NTNG1: variants seen among roughly 807,000 people sequenced by gnomAD.
NTNG1 encodes the protein netrin-G1.
NTNG1 carries 16 observed loss-of-function variants against 54.0 expected under a neutral mutation model. That is an observed-to-expected ratio of 0.30 (90% confidence interval 0.20 to 0.45). The LOEUF (loss-of-function observed/expected upper bound fraction) is 0.45. NTNG1 is among the 20% of genes least tolerant of loss of function. The pLI is 1.00. For missense variants in NTNG1, 530 were observed against 678.7 expected (o/e 0.78, Z 2.43); for synonymous variants, 255 against 263.1 (o/e 0.97, Z 0.30).
chr1:107,277,659 A>G (rs528311825), intron 2 of NTNG1, among the ~76,000 whole-genome samples: 17 of 152,316 alleles, frequency 1.1e-4, no homozygotes, highest in African/African-American at 3.1e-4. Flanking sequence ...TAATGAGTAG[A>G]TGTTCTACTA....
chr1:107,454,314 C>G (rs1368924704), intron 7 of NTNG1, among the ~76,000 whole-genome samples: 1 of 152,140 alleles, frequency 6.6e-6, no homozygotes, highest in Non-Finnish European at 1.5e-5. Flanking sequence ...TTCTCAGAAT[C>G]AACAACTATT....
At chr1:107,389,792 G>A (rs765390537) in intron 3 of NTNG1, among the ~76,000 whole-genome samples, 6 of 152,154 alleles carry the variant, frequency 3.9e-5, no homozygotes, top group African/African-American at 7.2e-5. Flanking sequence ...CTTGGCTCTC[G>A]AGAACATCAG....
chr1:107,338,681 C>G (rs1668731768), intron 3 of NTNG1, among the ~76,000 whole-genome samples: 1 of 151,812 alleles, frequency 6.6e-6, no homozygotes, highest in Admixed American at 6.6e-5. Context: ...AGTAGCCAAG[C>G]ATGTCTTATC....
chr1:107,392,068 A>C (rs965794843), intron 3 of NTNG1, among the ~76,000 whole-genome samples: 1 of 152,144 alleles, frequency 6.6e-6, no homozygotes, highest in African/African-American at 2.4e-5. Flanking sequence ...AGGAAGCCAA[A>C]GAGTTTAGTT....
intron 3 of NTNG1, among the ~76,000 whole-genome samples, chr1:107,356,238 A>G (rs891154343): frequency 3.3e-5 from 5 of 152,216 alleles, no homozygotes; most frequent in Non-Finnish European, 5.9e-5. Context: ...TTGACCTAGA[A>G]CATACCTGGT....
chr1:107,203,574 C>CTGTG (rs56271895), intron 2 of NTNG1, among the ~76,000 whole-genome samples: 4 of 150,006 alleles, frequency 2.7e-5, no homozygotes, highest in African/African-American at 9.7e-5. Context: ...TATATAGTTA[C>CTGTG]TGTGTGTGTG....
chr1:107,401,830 T>G (rs942761583), intron 4 of NTNG1, among the ~76,000 whole-genome samples: 2 of 152,094 alleles, frequency 1.3e-5, no homozygotes, highest in African/African-American at 4.8e-5. Flanking sequence ...CAGACTGAGA[T>G]GATCTTGGGC....
At chr1:107,236,719 G>C (rs1661436454) in intron 2 of NTNG1, among the ~76,000 whole-genome samples, 1 of 152,144 alleles carries the variant, frequency 6.6e-6, no homozygotes, top group Non-Finnish European at 1.5e-5. Context: ...TGAGTCTCAT[G>C]AGATCTGATG....
intron 2 of NTNG1, among the ~76,000 whole-genome samples, chr1:107,277,411 A>C (rs1029672534): frequency 2.0e-5 from 3 of 152,198 alleles, no homozygotes; most frequent in Admixed American, 6.5e-5. Context: ...CTTGCATCTA[A>C]ACATATTTTA....
intron 2 of NTNG1, among the ~76,000 whole-genome samples, chr1:107,216,027 C>T (rs978543388): frequency 6.6e-6 from 1 of 152,066 alleles, no homozygotes; most frequent in African/African-American, 2.4e-5. Flanking sequence ...ATTCATTTCC[C>T]AGTTCTGGAA....
intron 2 of NTNG1, among the ~76,000 whole-genome samples, chr1:107,244,780 A>G (rs1023660362): frequency 5.3e-5 from 8 of 152,104 alleles, no homozygotes; most frequent in African/African-American, 1.9e-4. Context: ...TGAGGTGAAG[A>G]GTGTGGCGCG....
chr1:107,437,992 T>C (rs1570961774), intron 7 of NTNG1, among the ~76,000 whole-genome samples: 1 of 151,758 alleles, frequency 6.6e-6, no homozygotes, highest in African/African-American at 2.4e-5. Context: ...GAAAACTGTA[T>C]ATTATTTGTA....
chr1:107,334,705 C>G (rs1668479604), intron 3 of NTNG1, among the ~76,000 whole-genome samples: 1 of 151,940 alleles, frequency 6.6e-6, no homozygotes, highest in African/African-American at 2.4e-5. Flanking sequence ...GACACTGTTG[C>G]ATAACTAGAA....
At position 107,324,830 on chromosome 1, in the gene NTNG1, G is replaced by T. The variant is rs375156633; in HGVS notation, c.795G>T (p.Arg265Ser). The T allele has an allele frequency of 1.0e-4, 166 of 1,613,430 alleles. No homozygotes were observed. The highest frequency in any genetic ancestry group is 7.6e-4 in the South Asian group (69 of 91,068). The change falls in exon 3 of 8, where the codon AGG becomes AGT. Residue 265 changes from arginine to serine, a missense_variant. Transcript: ENST00000370068. ...TTACAGTCACAGACCTGAGGATAAG[G>T]CTGTTAAGACCAGCCGTTGGGGAAA... Reference protein sequence around the residue: ...DFFTVTDLRIRLLRPAVGEIF... With the variant: ...DFFTVTDLRISLLRPAVGEIF...
chr1:107,181,597 A>G (rs947910050), intron 2 of NTNG1, among the ~76,000 whole-genome samples: 1 of 36,968 alleles, frequency 2.7e-5, no homozygotes, highest in East Asian at 9.9e-4. Flanking sequence ...CACACAAATA[A>G]TCGCAGATTA....
At chr1:107,316,960 C>T (rs112107196) in intron 2 of NTNG1, among the ~76,000 whole-genome samples, 2 of 152,170 alleles carry the variant, frequency 1.3e-5, no homozygotes, top group South Asian at 4.1e-4. Context: ...GAAGTGCCAC[C>T]GTAGGAAGGT....
In NTNG1 at chr1:107,407,167, A is replaced by G. The variant is rs181590302; in HGVS notation, c.1061-515A>G. ...AAGTAAAAGAATAAAAATGATGGTT[A>G]TATGAAATTAATCAAATAAAATGCC... On this transcript the variant is annotated intron_variant, in intron 4 of 7. Transcript: ENST00000370068. Among the ~76,000 whole-genome samples, 977 of 152,308 alleles carry G rather than the reference A, an allele frequency of 6.4e-3. 9 individuals are homozygous for G. The highest frequency in any genetic ancestry group is 0.022 in the African/African-American group (933 of 41,590).
intron 2 of NTNG1, among the ~76,000 whole-genome samples, chr1:107,238,453 C>T (rs1661565287): frequency 6.6e-6 from 1 of 152,094 alleles, no homozygotes; most frequent in African/African-American, 2.4e-5. Context: ...GTTGGGAAGG[C>T]ATGATTGGTT....
intron 2 of NTNG1, among the ~76,000 whole-genome samples, chr1:107,246,572 A>G (rs1287767573): frequency 1.3e-5 from 2 of 151,960 alleles, no homozygotes; most frequent in Non-Finnish European, 1.5e-5. Context: ...TTTCCATTTG[A>G]TTTTTCTCAT....
Sources: allele counts gnomAD v4.1 joint callset (sites outside exome capture counted in the v4.1 genomes callset), GRCh38; gene constraint gnomAD v4.1.1; transcripts MANE v1.5; gene names NCBI Gene and HGNC (gene_info 2026-07-23, HGNC 2026-07-21).